PDZD9: variants seen among roughly 807,000 people sequenced by gnomAD.
PDZD9 encodes the protein PDZ domain containing 9.
A neutral mutation model predicts 16.3 loss-of-function variants in PDZD9; 13 were observed. That is an observed-to-expected ratio of 0.80 (90% CI 0.52 to 1.27). The LOEUF (loss-of-function observed/expected upper bound fraction) is 1.27. PDZD9 is among the 50% of genes most tolerant of loss of function. The pLI, the probability that PDZD9 is intolerant of heterozygous loss-of-function variation, is 0.00. For missense variants in PDZD9, 288 were observed against 310.9 expected, an observed-to-expected ratio of 0.93 and a Z score of 0.55; for synonymous variants, 120 against 111.0, an observed-to-expected ratio of 1.08 and a Z score of -0.51.
At chr16:21,980,610 C>A (rs778896440), downstream of PDZD9, 4 of 1,614,014 alleles carry the variant, frequency 2.5e-6, no homozygotes, top group Middle Eastern at 1.6e-4. Context: ...TGGAAGAAGT[C>A]GGGTCCCAGG....
At chr16:21,960,968 C>T in the PDZD9 span, among the ~76,000 whole-genome samples, 2 of 152,060 alleles carry the variant, frequency 1.3e-5, no homozygotes, top group African/African-American at 2.4e-5. Context: ...GTAGCTAGGA[C>T]TATAGGCACA....
At chr16:21,987,326 A>C (rs1898901717) in intron 3 of PDZD9, among the ~76,000 whole-genome samples, 1 of 152,184 alleles carries the variant, frequency 6.6e-6, no homozygotes, top group African/African-American at 2.4e-5. Flanking sequence ...AGGCTGAGGC[A>C]GGAGAATCAC....
the PDZD9 span, among the ~76,000 whole-genome samples, chr16:21,969,088 A>T: frequency 6.6e-6 from 1 of 152,198 alleles, no homozygotes; most frequent in Non-Finnish European, 1.5e-5. Flanking sequence ...CCTCACTAAT[A>T]ATTAAGAAAA....
chr16:21,986,485 C>T (rs1898880314), intron 3 of PDZD9, among the ~76,000 whole-genome samples: 1 of 152,154 alleles, frequency 6.6e-6, no homozygotes, highest in South Asian at 2.1e-4. Context: ...CTTTTAGAGT[C>T]GTGCCCTCCA....
chr16:21,990,938 CTTTT>C (rs201113241), intron 2 of PDZD9, among the ~76,000 whole-genome samples: 4 of 151,584 alleles, frequency 2.6e-5, no homozygotes, highest in Non-Finnish European at 5.9e-5. Context: ...CTCATTACAC[CTTTT>C]TTTTTCTGTT....
At chr16:21,979,748 C>T (rs540732401), downstream of PDZD9, among the ~76,000 whole-genome samples, 11 of 152,182 alleles carry the variant, frequency 7.2e-5, no homozygotes, top group Admixed American at 1.3e-4. Context: ...ACATAGGCTA[C>T]GCTAAATTTA....
the PDZD9 span, chr16:21,962,886 G>GT: frequency 6.2e-7 from 1 of 1,613,646 alleles, no homozygotes; most frequent in Admixed American, 1.7e-5. Context: ...CCGCAGACTC[G>GT]TAAGTACATT....
At chr16:21,972,981 T>C in the PDZD9 span, among the ~76,000 whole-genome samples, 4 of 152,190 alleles carry the variant, frequency 2.6e-5, no homozygotes, top group Non-Finnish European at 5.9e-5. Context: ...ACGCCTGTAG[T>C]CCCAGCTACT....
intron 2 of PDZD9, 100 bp downstream of exon 2, chr16:21,996,222 G>T: frequency 2.2e-6 from 3 of 1,338,978 alleles, no homozygotes; most frequent in Admixed American, 4.7e-5. Context: ...CAGCATGCCC[G>T]TCATATCCTT....
intron 2 of PDZD9, among the ~76,000 whole-genome samples, chr16:21,989,949 C>A (rs1898982325): frequency 6.6e-6 from 1 of 152,152 alleles, no homozygotes; most frequent in South Asian, 2.1e-4. Flanking sequence ...ACTTGACACT[C>A]CCACCTGGGT....
At chr16:21,963,003 T>C in the PDZD9 span, 1 of 1,304,244 alleles carries the variant, frequency 7.7e-7, no homozygotes, top group Non-Finnish European at 1.0e-6. Context: ...TTATTTATTG[T>C]TTTGAGACAG....
chr16:21,963,678 A>G, the PDZD9 span, among the ~76,000 whole-genome samples: 1 of 151,906 alleles, frequency 6.6e-6, no homozygotes, highest in Non-Finnish European at 1.5e-5. Flanking sequence ...TCTATTGCCC[A>G]GGCTGGTCTC....
chr16:21,996,481 C>T lies in PDZD9; in HGVS notation c.52G>A (p.Val18Ile). 1 of 1,535,518 alleles carries T rather than the reference C, an allele frequency of 6.5e-7. No homozygotes were observed. The highest frequency in any genetic ancestry group is 8.7e-7 in the Non-Finnish European group (1 of 1,146,452). Residue 18 changes from valine (V) to isoleucine (I), a missense_variant, in exon 2 of 4, where the codon GTC (valine) becomes ATC (isoleucine). By Grantham distance (29) the Val-to-Ile change is conservative. Transcript: ENST00000424898. ...NKKERGVSNK[V>I]KTSVHNLSKT... The stretch of plus-strand genomic sequence containing the variant: ...CTCAAGTTGTGTACAGATGTTTTGA[C>T]CTTGTTGCTGACTCCTCTTTCTAAC...
At chr16:21,962,953 GA>G in the PDZD9 span, 102 of 1,510,490 alleles carry the variant, frequency 6.8e-5, no homozygotes, top group Admixed American at 1.1e-4. Context: ...ATTTATAGAA[GA>G]AAAAAAATTG....
chr16:21,957,669 C>A, the PDZD9 span: 1 of 1,477,432 alleles, frequency 6.8e-7, no homozygotes. Flanking sequence ...ATTCCTTGAC[C>A]TGCCATAACA....
intron 2 of PDZD9, among the ~76,000 whole-genome samples, chr16:21,994,362 C>T (rs983584502): frequency 6.6e-6 from 1 of 152,226 alleles, no homozygotes; most frequent in Non-Finnish European, 1.5e-5. Flanking sequence ...ACAGCTAACA[C>T]AATGTTTTTT....
intron 2 of PDZD9, among the ~76,000 whole-genome samples, chr16:21,989,739 A>G (rs1898976898): frequency 6.6e-6 from 1 of 152,232 alleles, no homozygotes; most frequent in South Asian, 2.1e-4. Context: ...AGGGCAACGC[A>G]GGATAAGGAA....
intron 3 of PDZD9, among the ~76,000 whole-genome samples, chr16:21,986,644 C>T (rs1273891192): frequency 2.0e-5 from 3 of 152,004 alleles, no homozygotes; most frequent in Non-Finnish European, 4.4e-5. Context: ...CATGAAAGTC[C>T]TAGGGCAATT....
the PDZD9 span, among the ~76,000 whole-genome samples, chr16:21,964,906 A>C: frequency 6.6e-6 from 1 of 152,260 alleles, no homozygotes; most frequent in Non-Finnish European, 1.5e-5. Flanking sequence ...AAGGCATTGA[A>C]GCAAGAAAGC....
Sources: allele counts gnomAD v4.1 joint callset (sites outside exome capture counted in the v4.1 genomes callset), GRCh38; gene constraint gnomAD v4.1.1; transcripts MANE v1.5; gene names NCBI Gene and HGNC (gene_info 2026-07-23, HGNC 2026-07-21).